Variants in ARVCF observed in about 807,000 individuals in gnomAD.
The protein encoded by ARVCF is ARVCF delta catenin family member.
ARVCF carries 66 observed loss-of-function variants against 90.9 expected under a neutral mutation model. The ratio of observed to expected loss-of-function variants is 0.73; its 90% CI spans 0.60 to 0.89. The LOEUF is 0.89. Ranked by LOEUF, ARVCF falls within the 40% of genes least tolerant of loss-of-function variation. The probability of loss-of-function intolerance (pLI) is 0.00; values close to 1 mark genes in which losing one functional copy is unlikely to be tolerated. For synonymous variants in ARVCF, 653 were observed against 603.4 expected, an observed-to-expected ratio of 1.08 and a Z score of -1.21; for missense variants, 1,469 against 1,382.3, an observed-to-expected ratio of 1.06 and a Z score of -1.00.
At chr22:19,976,637 C>T (rs563356942) in intron 10 of ARVCF, 69 bp downstream of exon 10, 10 of 1,532,308 alleles carry the variant, frequency 6.5e-6, no homozygotes, top group South Asian at 4.8e-5. Flanking sequence ...GGGGCTGGAA[C>T]GTGCTCGCCT....
chr22:19,968,445 G>A (rs1251519492), downstream of ARVCF: 17 of 1,262,428 alleles, frequency 1.3e-5, no homozygotes, highest in East Asian at 1.5e-4. Context: ...GCGTGGTGCC[G>A]TGGCCTAGTG....
intron 3 of ARVCF, chr22:19,987,101 G>T (rs142953729): frequency 1.7e-4 from 98 of 569,386 alleles, no homozygotes; most frequent in Non-Finnish European, 2.8e-4. Flanking sequence ...CATCGGGCCG[G>T]GACTCGGGGG....
At chr22:19,966,595 TACA>T (rs1053379844), downstream of ARVCF, among the ~76,000 whole-genome samples, 31 of 147,612 alleles carry the variant, frequency 2.1e-4, no homozygotes, top group African/African-American at 8.3e-4. Context: ...CATGCACCAC[TACA>T]CCTGGCTAAT....
chr22:19,989,263 G>C (rs1943936297), intron 3 of ARVCF, among the ~76,000 whole-genome samples: 1 of 152,074 alleles, frequency 6.6e-6, no homozygotes, highest in African/African-American at 2.4e-5. Context: ...CCATGAAAAA[G>C]GGCCCCCTAG....
At chr22:20,011,948 T>C (rs1420693695) in intron 1 of ARVCF, among the ~76,000 whole-genome samples, 4 of 152,000 alleles carry the variant, frequency 2.6e-5, no homozygotes, top group Admixed American at 6.5e-5. Context: ...TGAGCCGTCA[T>C]CTCACTGACT....
chr22:20,004,608 A>G lies in ARVCF; in HGVS notation c.-19+5847T>C, dbSNP rs866038752. 4.6e-5 allele frequency among the ~76,000 whole-genome samples: 7 copies of G among 152,342 alleles called. No individual in the cohort carries two copies. The South Asian group carries it at 1.2e-3, about 27-fold the overall frequency. On this transcript the variant is annotated intron_variant, in intron 2 of 19. Transcript: ENST00000263207. ...AGAGCCAAAACAATCTGGAAAAAGA[A>G]CAACATTTAAGGACTCACACTTCCT...
At chr22:19,985,248 T>C (rs1311668759) in intron 3 of ARVCF, among the ~76,000 whole-genome samples, 2 of 152,068 alleles carry the variant, frequency 1.3e-5, no homozygotes, top group East Asian at 3.9e-4. Context: ...CTTGCTCCTC[T>C]TGCACCCCGC....
Position 19,973,232 on chromosome 22 carries a change from G to A in ARVCF, c.2325C>T (p.Thr775=), listed in dbSNP as rs1198860490. 4.3e-6 allele frequency: 7 copies of A among 1,610,400 alleles called. No individual in the cohort carries two copies. Among genetic ancestry groups the A allele is most frequent in the South Asian group, 2.2e-5 (2 of 90,624 alleles). ...GGATGGTGTTGAGCACCGCCACCACGGTGTCTTCCTCCAGGCAGGCCCCCG... is the reference window on the plus strand; with the variant it reads ...GGATGGTGTTGAGCACCGCCACCACAGTGTCTTCCTCCAGGCAGGCCCCCG... ...PRPGACLEED[T]VVAVLNTIHE... Residue 775 remains threonine (T), a synonymous_variant, in exon 14 of 20, where the codon ACC becomes ACT. Coordinates refer to ENST00000263207, the MANE Select transcript of ARVCF (RefSeq NM_001670.3).
In ARVCF at chr22:19,973,653, T is replaced by C; in HGVS notation, c.2229A>G (p.Lys743=). 1.2e-6 allele frequency: 2 copies of C among 1,608,214 alleles called. No homozygotes were observed. Among genetic ancestry groups the C allele is most frequent in the Non-Finnish European group, 1.7e-6 (2 of 1,178,060 alleles). ...LRNLSLDRRN[K]DLIGSYAMAE... ...TGCAGGCGTCCTCACCGATGAGGTC[T>C]TTGTTGCGCCGGTCCAGCGAGAGGT... Residue 743 remains lysine, a synonymous_variant, in exon 13 of 20, where the codon AAA becomes AAG. Coordinates refer to ENST00000263207, the MANE Select transcript of ARVCF (RefSeq NM_001670.3).
chr22:20,007,734 T>C (rs1048057159), intron 2 of ARVCF, among the ~76,000 whole-genome samples: 1 of 152,224 alleles, frequency 6.6e-6, no homozygotes, highest in African/African-American at 2.4e-5. Flanking sequence ...TTCTGCCACC[T>C]CCTGGGGGAT....
chr22:19,972,441 A>G, intron 16 of ARVCF, 30 bp from the exon 17 acceptor site: 1 of 1,612,512 alleles, frequency 6.2e-7, no homozygotes, highest in Non-Finnish European at 8.5e-7. Context: ...GACGGGCTGC[A>G]TGTGGCAGCC....
intron 19 of ARVCF, 79 bp from the exon 20 acceptor site, chr22:19,970,822 CA>C: frequency 1.6e-6 from 2 of 1,288,990 alleles, no homozygotes; most frequent in East Asian, 1.1e-4. Flanking sequence ...GCAGGGCAGC[CA>C]ACTCCACAGG....
chr22:19,979,647 CCAGGCGGTCG>C, intron 6 of ARVCF, 86 bp downstream of exon 6: 1 of 1,458,426 alleles, frequency 6.9e-7, no homozygotes, highest in Non-Finnish European at 9.1e-7. Context: ...GGGTGCTTTC[CCAGGCGGTCG>C]CAGGCCGAGT....
intron 1 of ARVCF, among the ~76,000 whole-genome samples, chr22:20,013,559 G>C (rs1327603605): frequency 6.6e-6 from 1 of 152,274 alleles, no homozygotes; most frequent in Non-Finnish European, 1.5e-5. Context: ...AAGCTGGGTG[G>C]AGCCGGTCTT....
rs766479611 is a variant in ARVCF, at chr22:19,973,274, T to C, written c.2283A>G (p.Ala761=). ...AGGCCCCCGGTCGCGGCGGAGCCTG[T>C]GCATTGCGCACATTCCGCACAAGCT... is the stretch of plus-strand genomic sequence containing the variant. ...MAELVRNVRN[A]QAPPRPGACL... Residue 761 remains alanine (A), a synonymous_variant, in exon 14 of 20, where the codon GCA becomes GCG. Transcript: ENST00000263207. The C allele has an allele frequency of 6.2e-7, 1 of 1,607,956 alleles. No individual in the cohort carries two copies. The highest frequency in any genetic ancestry group is 8.5e-7 in the Non-Finnish European group (1 of 1,178,884).
intron 8 of ARVCF, 91 bp from the exon 9 acceptor site, chr22:19,977,677 C>A: frequency 6.9e-7 from 1 of 1,453,422 alleles, no homozygotes; most frequent in Non-Finnish European, 9.1e-7. Flanking sequence ...TGCATGAGGG[C>A]ACCGGGAGCA....
downstream of ARVCF, chr22:19,967,393 A>ATT (rs61143203): frequency 1.6e-3 from 712 of 432,868 alleles, no homozygotes; most frequent in South Asian, 2.9e-3. Flanking sequence ...TTGCTAGGAC[A>ATT]TTTTTTTTTT....
intron 2 of ARVCF, among the ~76,000 whole-genome samples, chr22:19,995,515 G>T (rs1239415976): frequency 6.6e-6 from 1 of 152,166 alleles, no homozygotes; most frequent in Non-Finnish European, 1.5e-5. Context: ...GAACACGAAG[G>T]CATGGTGAGG....
intron 2 of ARVCF, among the ~76,000 whole-genome samples, chr22:19,993,329 G>C (rs532627583): frequency 2.0e-5 from 3 of 152,296 alleles, no homozygotes; most frequent in African/African-American, 7.2e-5. Flanking sequence ...AACCAAAGAG[G>C]GCTGCTTTTC....
Sources: allele counts gnomAD v4.1 joint callset (sites outside exome capture counted in the v4.1 genomes callset), GRCh38; gene constraint gnomAD v4.1.1; transcripts MANE v1.5; gene names NCBI Gene and HGNC (gene_info 2026-07-23, HGNC 2026-07-21).